The following HSD11B1 variants were observed in gnomAD, a reference collection of about 807,000 sequenced individuals.
The protein encoded by HSD11B1 is hydroxysteroid 11-beta dehydrogenase 1.
Under a neutral mutation model 22.1 loss-of-function variants are expected in HSD11B1, and 15 were observed. The ratio of observed to expected loss-of-function variants is 0.68; its 90% confidence interval spans 0.45 to 1.04. The LOEUF (loss-of-function observed/expected upper bound fraction) is 1.04. Among genes scored for constraint, HSD11B1 ranks in the 50% least tolerant of loss-of-function variants. The pLI is 0.00. For missense variants in HSD11B1, 281 were observed against 357.6 expected, an observed-to-expected ratio of 0.79 and a Z score of 1.73; for synonymous variants, 122 against 125.2, an observed-to-expected ratio of 0.97 and a Z score of 0.17.
At chr1:209,708,813 A>G (rs1368679689) in intron 4 of HSD11B1, among the ~76,000 whole-genome samples, 1 of 152,224 alleles carries the variant, frequency 6.6e-6, no homozygotes, top group Non-Finnish European at 1.5e-5. Flanking sequence ...AAATTCTGAT[A>G]ATCTCTGTTT....
chr1:209,734,533 G>A lies in HSD11B1; in HGVS notation c.*12G>A. On this transcript the variant is annotated 3_prime_UTR_variant, in exon 6 of 6. Transcript: ENST00000367027. ...TCATAAACAAGTAGGAACTCCCTGAGGGCTGGGCATGCTGAGGGATTTTGG... is the reference window on the plus strand; with the variant it reads ...TCATAAACAAGTAGGAACTCCCTGAAGGCTGGGCATGCTGAGGGATTTTGG... 1 of 1,593,862 alleles carries A rather than the reference G, an allele frequency of 6.3e-7. No homozygotes were observed. Among genetic ancestry groups the A allele is most frequent in the Non-Finnish European group, 8.6e-7 (1 of 1,162,786 alleles).
intron 4 of HSD11B1, among the ~76,000 whole-genome samples, chr1:209,707,752 G>T (rs933436337): frequency 4.6e-5 from 7 of 152,168 alleles, no homozygotes; most frequent in Non-Finnish European, 8.8e-5. Flanking sequence ...AGCTTGTCCT[G>T]GTCCTAAGTG....
In HSD11B1 at chr1:209,706,711, G is replaced by A; in HGVS notation, c.222G>A (p.Val74=). The stretch of plus-strand genomic sequence containing the variant: ...CCATTTCTGCTGTATCACTGCAGGT[G>A]GTATCCCACTGCCTGGAGCTTGGAG... ...TARSKETLQK[V]VSHCLELGAA... The change falls in exon 3 of 6, where the codon GTG becomes GTA. Residue 74 remains valine (V), a splice_region_variant and synonymous_variant. Coordinates refer to ENST00000367027, the MANE Select transcript of HSD11B1 (RefSeq NM_005525.4). This position sits in a 1 kb window ranked among gnomAD's most constrained non-coding sequence, Gnocchi z 4.0. 6.2e-7 allele frequency: 1 copy of A among 1,610,542 alleles called. No homozygotes were observed. The highest frequency in any genetic ancestry group is 8.5e-7 in the Non-Finnish European group (1 of 1,177,186).
rs764113598 is a variant in HSD11B1 at position 209,705,050 on chromosome 1, AT to A, written c.88+24del. 1.3e-4 allele frequency: 204 copies of A among 1,585,886 alleles called. No individual in the cohort carries two copies. Among genetic ancestry groups the A allele is most frequent in the Non-Finnish European group, 1.7e-4 (195 of 1,154,628 alleles). ...GACCAGGTAAGTACCCATGCGTCTC[AT>A]TTTGGAGGAATAGGTTTAAAAAACA... On this transcript the variant is annotated intron_variant, in intron 1 of 5. Transcript: ENST00000367027.
At chr1:209,717,948 G>A (rs1180387963) in intron 4 of HSD11B1, among the ~76,000 whole-genome samples, 1 of 151,586 alleles carries the variant, frequency 6.6e-6, no homozygotes, top group African/African-American at 2.4e-5. Context: ...CAGTAATGTG[G>A]ATGGAACTGA....
chr1:209,732,323 A>G (rs1477710604), intron 4 of HSD11B1, 113 bp from the exon 5 acceptor site: 6 of 1,120,224 alleles, frequency 5.4e-6, no homozygotes, highest in Non-Finnish European at 8.1e-6. Context: ...ATATAGAGAA[A>G]CTAAGACTCA....
chr1:209,707,182 G>C, intron 4 of HSD11B1, 54 bp downstream of exon 4: 4 of 1,381,634 alleles, frequency 2.9e-6, no homozygotes, highest in Non-Finnish European at 4.1e-6. Flanking sequence ...AAATGCCAGG[G>C]ATGATGCCAG....
chr1:209,731,872 A>G (rs904805413), intron 4 of HSD11B1, among the ~76,000 whole-genome samples: 15 of 152,092 alleles, frequency 9.9e-5, no homozygotes, highest in African/African-American at 3.6e-4. Context: ...GTGCCCAGCT[A>G]ATGTTTGTAT....
At chr1:209,728,871 C>G (rs2077018964) in intron 4 of HSD11B1, among the ~76,000 whole-genome samples, 1 of 152,188 alleles carries the variant, frequency 6.6e-6, no homozygotes, top group Non-Finnish European at 1.5e-5. Flanking sequence ...CCAAAATGAG[C>G]CACATGGCCA....
intron 4 of HSD11B1, among the ~76,000 whole-genome samples, chr1:209,724,637 A>G (rs888267145): frequency 6.6e-6 from 1 of 152,196 alleles, no homozygotes; most frequent in Non-Finnish European, 1.5e-5. Flanking sequence ...ATCTTTTTTA[A>G]AAAATAAAAA....
rs112846909 is a variant in HSD11B1 at position 209,726,383 on chromosome 1, A to G, written c.518-6053A>G. On this transcript the variant is annotated intron_variant, in intron 4 of 5. Coordinates refer to ENST00000367027, the MANE Select transcript of HSD11B1 (RefSeq NM_005525.4). ...TTTGGGAGGCCAAGGCAGGAGGATC[A>G]CTTGATGCCAGGGATTTTAGGCCAG... 1.5e-3 allele frequency among the ~76,000 whole-genome samples: 229 copies of G among 151,610 alleles called. 2 individuals are homozygous for G. The highest frequency in any genetic ancestry group is 3.5e-3 in the South Asian group (17 of 4,812).
chr1:209,723,102 C>T (rs2076977170), intron 4 of HSD11B1, among the ~76,000 whole-genome samples: 2 of 152,244 alleles, frequency 1.3e-5, no homozygotes, highest in South Asian at 4.2e-4. Flanking sequence ...ATCATGTCTG[C>T]CTTCATCCTT....
At chr1:209,693,888 C>G (rs1290368964) in intron 1 of HSD11B1, among the ~76,000 whole-genome samples, 3 of 152,162 alleles carry the variant, frequency 2.0e-5, no homozygotes, top group Non-Finnish European at 4.4e-5. Context: ...AACTCTCAGG[C>G]AAAGATCTCC....
chr1:209,715,316 T>C (rs2076923382), intron 4 of HSD11B1, among the ~76,000 whole-genome samples: 1 of 152,174 alleles, frequency 6.6e-6, no homozygotes, highest in East Asian at 1.9e-4. Flanking sequence ...GATGTGTGTC[T>C]ACATATACAT....
In HSD11B1 at chr1:209,707,003, A is replaced by G. The variant is rs574132787; in HGVS notation, c.392A>G (p.Asp131Gly). 8 of 1,613,936 alleles carry G rather than the reference A, an allele frequency of 5.0e-6. No individual in the cohort carries two copies. Among genetic ancestry groups the G allele is most frequent in the East Asian group, 4.5e-5 (2 of 44,880 alleles). Reference protein sequence around the residue: ...ITNTSLNLFHDDIHHVRKSME... With the variant: ...ITNTSLNLFHGDIHHVRKSME... ...AACACTTCTTTGAATCTTTTTCATGATGATATTCACCATGTGCGCAAAAGC... is the reference window on the plus strand; with the variant it reads ...AACACTTCTTTGAATCTTTTTCATGGTGATATTCACCATGTGCGCAAAAGC... The change falls in exon 4 of 6, where the codon GAT becomes GGT. Residue 131 changes from aspartate (D) to glycine (G), a missense_variant. By Grantham distance (94) the Asp-to-Gly change is moderately conservative. Coordinates refer to ENST00000367027, the MANE Select transcript of HSD11B1 (RefSeq NM_005525.4).
chr1:209,706,997 T>C lies in HSD11B1; in HGVS notation c.386T>C (p.Phe129Ser). 1.2e-6 allele frequency: 2 copies of C among 1,614,118 alleles called. No homozygotes were observed. The highest frequency in any genetic ancestry group is 1.1e-5 in the South Asian group (1 of 91,080). The change falls in exon 4 of 6, where the codon TTT (phenylalanine) becomes TCT (serine). Residue 129 changes from phenylalanine to serine, a missense_variant. By Grantham distance (155) the Phe-to-Ser change is radical. Coordinates refer to ENST00000367027, the MANE Select transcript of HSD11B1 (RefSeq NM_005525.4). The surrounding 1 kb of genome is among the most constrained non-coding windows in gnomAD (Gnocchi z 4.0). ...NHITNTSLNL[F>S]HDDIHHVRKS... Reference sequence around the variant, plus strand: ...ATCACCAACACTTCTTTGAATCTTTTTCATGATGATATTCACCATGTGCGC... The same window carrying C: ...ATCACCAACACTTCTTTGAATCTTTCTCATGATGATATTCACCATGTGCGC...
In HSD11B1 at chr1:209,733,573, A is replaced by G. The variant is rs114991569; in HGVS notation, c.662-731A>G. Among the ~76,000 whole-genome samples the G allele has an allele frequency of 8.4e-3, 1,281 of 152,320 alleles. 12 individuals carry two copies. The highest frequency in any genetic ancestry group is 0.028 in the African/African-American group (1,165 of 41,588). ...TCCTAAATCATTGCACAATGGTTAT[A>G]TATGGTGTTGCAACCAGGGGGAGCA... On this transcript the variant is annotated intron_variant, in intron 5 of 5. Coordinates refer to ENST00000367027, the MANE Select transcript of HSD11B1 (RefSeq NM_005525.4).
chr1:209,723,639 T>G (rs1257602646), intron 4 of HSD11B1, among the ~76,000 whole-genome samples: 1 of 152,224 alleles, frequency 6.6e-6, no homozygotes, highest in Non-Finnish European at 1.5e-5. Flanking sequence ...TTACCAAAGC[T>G]TCTCCCCTTG....
chr1:209,729,019 T>C (rs576286397), intron 4 of HSD11B1, among the ~76,000 whole-genome samples: 1 of 152,074 alleles, frequency 6.6e-6, no homozygotes, highest in Non-Finnish European at 1.5e-5. Context: ...AAGAAGTAAG[T>C]CCAGCTCTCA....
Sources: allele counts gnomAD v4.1 joint callset (sites outside exome capture counted in the v4.1 genomes callset), GRCh38; gene constraint gnomAD v4.1.1; non-coding constraint Gnocchi (gnomAD v3.1); transcripts MANE v1.5; gene names NCBI Gene and HGNC (gene_info 2026-07-23, HGNC 2026-07-21).